NFIB: variants seen among roughly 807,000 people sequenced by gnomAD.
NFIB encodes nuclear factor I B.
In NFIB, 11 loss-of-function variants were observed where a neutral mutation model predicts 61.5. The observed-to-expected ratio is 0.18, with a 90% CI of 0.11 to 0.30. The LOEUF (loss-of-function observed/expected upper bound fraction) is 0.30, where lower values mean the gene tolerates loss of function less well. NFIB is among the 10% of genes least tolerant of loss of function. The pLI is 1.00. For synonymous variants in NFIB, 260 were observed against 216.5 expected (o/e 1.20, Z -1.76); for missense variants, 471 against 608.9 (o/e 0.77, Z 2.38).
intron 3 of NFIB, among the ~76,000 whole-genome samples, chr9:14,176,564 C>T (rs905663016): frequency 6.6e-6 from 1 of 152,118 alleles, no homozygotes; most frequent in African/African-American, 2.4e-5. Flanking sequence ...CAAAAAATTA[C>T]TTAAATATTT....
intron 2 of NFIB, among the ~76,000 whole-genome samples, chr9:14,288,635 T>A (rs1270695024): frequency 6.6e-6 from 1 of 152,020 alleles, no homozygotes; most frequent in Non-Finnish European, 1.5e-5. Context: ...TCACACAGGG[T>A]TCCCTCCCAG....
chr9:14,104,922 T>G (rs2036330464), intron 10 of NFIB, among the ~76,000 whole-genome samples: 1 of 152,026 alleles, frequency 6.6e-6, no homozygotes, highest in Admixed American at 6.6e-5. Context: ...TCAGCTTAGG[T>G]TGGAGAAGTT....
chr9:14,300,585 T>C lies in NFIB; in HGVS notation c.562+6404A>G, dbSNP rs191856592. Among the ~76,000 whole-genome samples, 86 of 152,344 alleles carry C rather than the reference T, an allele frequency of 5.6e-4. 1 individual carries two copies. Among genetic ancestry groups the C allele is most frequent in the South Asian group, 1.9e-3 (9 of 4,832 alleles). On this transcript the variant is annotated intron_variant, in intron 2 of 10. Coordinates refer to ENST00000380953, the MANE Select transcript of NFIB (RefSeq NM_001190737.2). ...ATTGACCATTTTAATGAGTGTTTCATGTGCTCTTTGCACTCTTTGCAAACT... is the reference window on the plus strand; with the variant it reads ...ATTGACCATTTTAATGAGTGTTTCACGTGCTCTTTGCACTCTTTGCAAACT...
chr9:14,185,733 T>A (rs7849786), intron 2 of NFIB, among the ~76,000 whole-genome samples: 1 of 152,090 alleles, frequency 6.6e-6, no homozygotes, highest in African/African-American at 2.4e-5. Context: ...ACAGTAGAAG[T>A]CAAACAGATA....
chr9:14,174,732 A>C (rs997598992), intron 3 of NFIB, among the ~76,000 whole-genome samples: 5 of 147,466 alleles, frequency 3.4e-5, no homozygotes, highest in Non-Finnish European at 5.9e-5. Flanking sequence ...ACGCCACTGC[A>C]CTCCATCCTG....
At chr9:14,203,549 G>A (rs2049292053) in intron 2 of NFIB, among the ~76,000 whole-genome samples, 1 of 152,070 alleles carries the variant, frequency 6.6e-6, no homozygotes, top group Admixed American at 6.5e-5. Context: ...GGCACGGAGC[G>A]ACTGCAGTTT....
chr9:14,414,264 A>G, the NFIB span, among the ~76,000 whole-genome samples: 1 of 151,858 alleles, frequency 6.6e-6, no homozygotes, highest in Non-Finnish European at 1.5e-5. Flanking sequence ...GTGAAACCTC[A>G]TCTCTACTAA....
At chr9:14,531,543 C>G in the NFIB span, among the ~76,000 whole-genome samples, 1 of 152,140 alleles carries the variant, frequency 6.6e-6, no homozygotes, top group Non-Finnish European at 1.5e-5. Flanking sequence ...TTCAGAGGAG[C>G]TGCAGAAAGA....
intron 6 of NFIB, among the ~76,000 whole-genome samples, chr9:14,140,184 T>G (rs77086109): frequency 2.7e-3 from 415 of 152,318 alleles, no homozygotes; most frequent in Non-Finnish European, 4.1e-3. Context: ...CAAAGAGAAC[T>G]TTAAAACTTC....
chr9:14,088,421 C>G, intron 10 of NFIB, 95 bp from the exon 11 acceptor site: 1 of 1,257,540 alleles, frequency 8.0e-7, no homozygotes, highest in South Asian at 2.3e-5. Context: ...ATTCCAGATG[C>G]ATCAAATTAT....
chr9:14,220,076 C>G (rs1410365136), intron 2 of NFIB, among the ~76,000 whole-genome samples: 1 of 152,196 alleles, frequency 6.6e-6, no homozygotes, highest in African/African-American at 2.4e-5. Context: ...GCATGTTGAG[C>G]CAAGGAATTT....
At chr9:14,509,298 CAT>C in the NFIB span, among the ~76,000 whole-genome samples, 12 of 152,210 alleles carry the variant, frequency 7.9e-5, no homozygotes, top group Non-Finnish European at 1.6e-4. Flanking sequence ...GCCAGACACA[CAT>C]GTTCTGCAGA....
At chr9:14,262,056 G>A (rs1300836959) in intron 2 of NFIB, among the ~76,000 whole-genome samples, 1 of 152,050 alleles carries the variant, frequency 6.6e-6, no homozygotes, top group East Asian at 1.9e-4. Context: ...CGGTTTCTGA[G>A]CCCTGACACT....
At chr9:14,477,131 G>T in the NFIB span, among the ~76,000 whole-genome samples, 22 of 152,314 alleles carry the variant, frequency 1.4e-4, no homozygotes, top group South Asian at 4.1e-3. Flanking sequence ...GCTGCAACCA[G>T]TTCCCCATAT....
intron 3 of NFIB, among the ~76,000 whole-genome samples, chr9:14,166,751 C>T (rs971766856): frequency 1.3e-5 from 2 of 152,140 alleles, no homozygotes; most frequent in African/African-American, 4.8e-5. Flanking sequence ...GTTTCCTCTG[C>T]TTCTGGAATA....
intron 2 of NFIB, among the ~76,000 whole-genome samples, chr9:14,250,271 T>C (rs2055443960): frequency 6.6e-6 from 1 of 151,712 alleles, no homozygotes; most frequent in Non-Finnish European, 1.5e-5. Context: ...TAATATCTTT[T>C]TTTGTTTTCT....
chr9:14,452,691 AG>A, the NFIB span, among the ~76,000 whole-genome samples: 6 of 152,176 alleles, frequency 3.9e-5, no homozygotes, highest in Non-Finnish European at 8.8e-5. Flanking sequence ...CCTGAAGAGG[AG>A]TCCCAACTTG....
intron 1 of NFIB, among the ~76,000 whole-genome samples, chr9:14,342,160 A>G (rs2060959205): frequency 6.6e-6 from 1 of 152,202 alleles, no homozygotes; most frequent in Admixed American, 6.5e-5. Flanking sequence ...GATTATGGGT[A>G]AGGGTCTCTC....
chr9:14,451,467 C>T, the NFIB span, among the ~76,000 whole-genome samples: 2 of 152,088 alleles, frequency 1.3e-5, no homozygotes, highest in African/African-American at 2.4e-5. Flanking sequence ...TAAACATTTT[C>T]GTTTGTGTTT....
Sources: gnomAD v4.1 joint callset for allele counts (sites outside exome capture counted in the v4.1 genomes callset) on GRCh38, gnomAD v4.1.1 for gene constraint, MANE v1.5 for transcripts, NCBI Gene and HGNC (gene_info 2026-07-23, HGNC 2026-07-21) for gene names.